Variants in DDX60 observed in about 807,000 individuals in gnomAD.
DDX60 encodes probable ATP-dependent RNA helicase DDX60.
A neutral mutation model predicts 212.8 loss-of-function variants in DDX60; 165 were observed. The observed-to-expected ratio is 0.78, with a 90% confidence interval of 0.68 to 0.88. The LOEUF is 0.88. DDX60 is among the 40% of genes least tolerant of loss of function. The pLI, the probability that DDX60 is intolerant of heterozygous loss-of-function variation, is 0.00. For synonymous variants in DDX60, 703 were observed against 685.3 expected, an observed-to-expected ratio of 1.03 and a Z score of -0.40; for missense variants, 1,905 against 2,003.9, an observed-to-expected ratio of 0.95 and a Z score of 0.94.
chr4:168,320,518 C>CAG (rs1162628059), upstream of DDX60, among the ~76,000 whole-genome samples: 4 of 152,156 alleles, frequency 2.6e-5, no homozygotes, highest in Middle Eastern at 3.4e-3. Flanking sequence ...GACTTCAGCC[C>CAG]AGAGAGACTG....
Position 168,291,831 on chromosome 4 carries a change from G to C in DDX60, c.958C>G (p.Leu320Val), listed in dbSNP as rs1276203424. 2 of 1,613,640 alleles carry C rather than the reference G, an allele frequency of 1.2e-6. No homozygotes were observed. The highest frequency in any genetic ancestry group is 1.7e-6 in the Non-Finnish European group (2 of 1,179,792). ...KLHCLTVVFLLHLPLSQRACA... is the reference protein window; with the variant it reads ...KLHCLTVVFLVHLPLSQRACA... ...GCTCTTTGAGAAAGAGGCAGATGGA[G>C]TAGAAAAACCACAGTGAGACAATGC... is the stretch of plus-strand genomic sequence containing the variant. Residue 320 changes from leucine to valine, a missense_variant, in exon 8 of 38, where the codon CTC (leucine) becomes GTC (valine). Coordinates refer to ENST00000393743, the MANE Select transcript of DDX60 (RefSeq NM_017631.6).
upstream of DDX60, among the ~76,000 whole-genome samples, chr4:168,321,936 A>G (rs559768397): frequency 6.6e-6 from 1 of 152,306 alleles, no homozygotes; most frequent in East Asian, 1.9e-4. Flanking sequence ...TTTTCAAACA[A>G]TAAGAAAAAT....
chr4:168,259,604 C>T (rs1261777345), intron 25 of DDX60, among the ~76,000 whole-genome samples: 1 of 151,500 alleles, frequency 6.6e-6, no homozygotes, highest in African/African-American at 2.4e-5. Context: ...TTTACTTCAG[C>T]TTCCATGGCT....
At chr4:168,299,149 G>T in intron 6 of DDX60, among the ~76,000 whole-genome samples, 1 of 93,064 alleles carries the variant, frequency 1.1e-5, no homozygotes, top group African/African-American at 4.9e-5. Context: ...GACAGAGCGA[G>T]ACTGTCTCAA....
At chr4:168,293,095 G>A (rs994007227) in intron 7 of DDX60, among the ~76,000 whole-genome samples, 1 of 152,174 alleles carries the variant, frequency 6.6e-6, no homozygotes, top group Non-Finnish European at 1.5e-5. Context: ...GCGTCTGAGT[G>A]TGTAAGTGTG....
intron 24 of DDX60, 71 bp downstream of exon 24, chr4:168,261,929 G>A: frequency 1.3e-6 from 2 of 1,485,400 alleles, no homozygotes; most frequent in East Asian, 5.0e-5. Flanking sequence ...TCAGAAAATG[G>A]TATTAACTGA....
intron 3 of DDX60, among the ~76,000 whole-genome samples, chr4:168,310,354 G>A (rs990528697): frequency 3.3e-5 from 5 of 152,112 alleles, no homozygotes; most frequent in Non-Finnish European, 7.4e-5. Flanking sequence ...AGTCTGGGGG[G>A]ATGGCACCAT....
At chr4:168,302,543 A>G in intron 5 of DDX60, 127 bp from the exon 6 acceptor site, 1 of 446,772 alleles carries the variant, frequency 2.2e-6, no homozygotes, top group African/African-American at 2.0e-5. Flanking sequence ...AAAATATGCC[A>G]ATGTAATTGT....
intron 33 of DDX60, among the ~76,000 whole-genome samples, chr4:168,227,384 C>T (rs577484955): frequency 1.1e-3 from 170 of 152,014 alleles, no homozygotes; most frequent in African/African-American, 3.3e-3. Context: ...TTGCTCTTTG[C>T]GATGTCTAAA....
chr4:168,311,846 C>G (rs562325058), intron 1 of DDX60, among the ~76,000 whole-genome samples: 18 of 152,200 alleles, frequency 1.2e-4, no homozygotes, highest in Non-Finnish European at 2.4e-4. Context: ...ATTTTCTTTT[C>G]GTCCTAGAAT....
At chr4:168,293,966 A>G (rs764405308) in intron 6 of DDX60, 21 bp from the exon 7 acceptor site, 1 of 1,601,252 alleles carries the variant, frequency 6.2e-7, no homozygotes, top group Non-Finnish European at 8.5e-7. Flanking sequence ...AAAAAATTGT[A>G]ATGTGTCATG....
At chr4:168,247,497 G>A (rs528152232) in intron 29 of DDX60, among the ~76,000 whole-genome samples, 2 of 152,286 alleles carry the variant, frequency 1.3e-5, no homozygotes, top group East Asian at 1.9e-4. Flanking sequence ...AGGGAAGCGC[G>A]TTGATAAAAA....
intron 34 of DDX60, 72 bp downstream of exon 34, chr4:168,225,457 C>A: frequency 7.1e-7 from 1 of 1,416,430 alleles, no homozygotes. Flanking sequence ...ACTCTTCTTC[C>A]AGAATAAACT....
intron 26 of DDX60, among the ~76,000 whole-genome samples, chr4:168,253,694 G>A (rs927332907): frequency 4.6e-5 from 7 of 152,018 alleles, no homozygotes; most frequent in African/African-American, 1.5e-4. Flanking sequence ...TTCTTGCTTC[G>A]TTCATTTTCT....
In DDX60 at chr4:168,267,861, T is replaced by A; in HGVS notation, c.2909A>T (p.Gln970Leu). 6.2e-7 allele frequency: 1 copy of A among 1,612,182 alleles called. No individual in the cohort carries two copies. Among genetic ancestry groups the A allele is most frequent in the Non-Finnish European group, 8.5e-7 (1 of 1,179,112 alleles). ...GFPKDYLQVK[Q>L]SYKVRLVLYG... The stretch of plus-strand genomic sequence containing the variant: ...CATACCAAGTCTAACTTTATACGAT[T>A]GTTTTACTTGCAAGTAGTCTTTGGG... The change falls in exon 21 of 38, where the codon CAA (glutamine) becomes CTA (leucine). Residue 970 changes from glutamine (Q) to leucine (L), a missense_variant. Coordinates refer to ENST00000393743, the MANE Select transcript of DDX60 (RefSeq NM_017631.6).
chr4:168,285,906 A>AGGAG (rs1163397047), intron 10 of DDX60, among the ~76,000 whole-genome samples: 2 of 52,726 alleles, frequency 3.8e-5, no homozygotes, highest in East Asian at 7.4e-4. Context: ...AAAGGAAGGA[A>AGGAG]GGAAGGAAGG....
rs746434396 is a variant in DDX60, at chr4:168,293,878, C to T, written c.791G>A (p.Cys264Tyr). The T allele has an allele frequency of 1.2e-6, 2 of 1,613,886 alleles. No individual in the cohort carries two copies. Among genetic ancestry groups the T allele is most frequent in the Non-Finnish European group, 8.5e-7 (1 of 1,179,932 alleles). ...PEGSDIRRVF[C>Y]VTSCSLSLRM... The stretch of plus-strand genomic sequence containing the variant: ...CAAAGATAATGAGCATGAAGTAACA[C>T]AAAAGACACGCCGAATGTCAGATCC... The change falls in exon 7 of 38, where the codon TGT (cysteine) becomes TAT (tyrosine). Residue 264 changes from cysteine to tyrosine, a missense_variant. Coordinates refer to ENST00000393743, the MANE Select transcript of DDX60 (RefSeq NM_017631.6).
At chr4:168,256,223 C>T (rs983487067) in intron 25 of DDX60, among the ~76,000 whole-genome samples, 4 of 151,426 alleles carry the variant, frequency 2.6e-5, no homozygotes, top group East Asian at 1.9e-4. Flanking sequence ...GGTTTTTCTC[C>T]GTTTATCTCC....
chr4:168,223,824 T>C (rs1008275432), intron 35 of DDX60, among the ~76,000 whole-genome samples: 6 of 152,086 alleles, frequency 3.9e-5, no homozygotes, highest in African/African-American at 1.4e-4. Context: ...AGTGTCAACA[T>C]TCAAATGAAT....
Sources: allele counts gnomAD v4.1 joint callset (sites outside exome capture counted in the v4.1 genomes callset), GRCh38; gene constraint gnomAD v4.1.1; transcripts MANE v1.5; gene names NCBI Gene and HGNC (gene_info 2026-07-23, HGNC 2026-07-21).